Variants in EPHA4 observed in about 807,000 individuals in gnomAD.
EPHA4 encodes EPH receptor A4.
A neutral mutation model predicts 108.3 loss-of-function variants in EPHA4; 19 were observed. The observed-to-expected ratio is 0.18, with a 90% CI of 0.12 to 0.26. EPHA4 has a LOEUF of 0.26. Among genes scored for constraint, EPHA4 ranks in the 10% least tolerant of loss-of-function variants. The probability of loss-of-function intolerance (pLI) is 1.00; values close to 1 mark genes in which losing one functional copy is unlikely to be tolerated. For missense variants in EPHA4, 917 were observed against 1,254.0 expected, an observed-to-expected ratio of 0.73 and a Z score of 4.06; for synonymous variants, 449 against 455.5, an observed-to-expected ratio of 0.99 and a Z score of 0.18.
chr2:221,551,195 C>T lies in EPHA4; in HGVS notation c.823+12536G>A, dbSNP rs574402200. ...AAACTATTTGCTCTCTAGAAAACTC[C>T]GGAGAATTAACTGAAAACTTATTAG... is the stretch of plus-strand genomic sequence containing the variant. On this transcript the variant is annotated intron_variant, in intron 3 of 17. Transcript: ENST00000281821. Among the ~76,000 whole-genome samples the T allele has an allele frequency of 5.9e-5, 9 of 151,952 alleles. No homozygotes were observed. In the East Asian group the frequency reaches 7.7e-4, roughly 13 times the overall value.
intron 5 of EPHA4, among the ~76,000 whole-genome samples, chr2:221,461,790 T>C (rs1240303031): frequency 2.0e-5 from 3 of 152,142 alleles, no homozygotes; most frequent in Non-Finnish European, 2.9e-5. Context: ...TAATGTCAAG[T>C]CAGAGGGCCC....
At chr2:221,441,241 A>G (rs1049370929) in intron 11 of EPHA4, among the ~76,000 whole-genome samples, 10 of 150,104 alleles carry the variant, frequency 6.7e-5, no homozygotes, top group Admixed American at 5.3e-4. Flanking sequence ...CTATTAAAAA[A>G]ATAGAGTCCA....
At chr2:221,462,660 T>C (rs1206569215) in intron 5 of EPHA4, among the ~76,000 whole-genome samples, 1 of 152,194 alleles carries the variant, frequency 6.6e-6, no homozygotes, top group Non-Finnish European at 1.5e-5. Context: ...GGTTTTACTA[T>C]TTAGGTTAAC....
chr2:221,493,281 T>C (rs1574608979), intron 4 of EPHA4, among the ~76,000 whole-genome samples: 2 of 152,150 alleles, frequency 1.3e-5, no homozygotes, highest in Admixed American at 1.3e-4. Flanking sequence ...TTTTATCCTA[T>C]GGTTTATACA....
intron 3 of EPHA4, among the ~76,000 whole-genome samples, chr2:221,527,317 A>C (rs1182304563): frequency 6.6e-6 from 1 of 152,200 alleles, no homozygotes; most frequent in African/African-American, 2.4e-5. Context: ...CCACGTGCAC[A>C]TATTCACCTG....
intron 2 of EPHA4, among the ~76,000 whole-genome samples, chr2:221,566,794 A>G (rs1248141533): frequency 4.1e-5 from 6 of 147,900 alleles, no homozygotes; most frequent in African/African-American, 1.5e-4. Flanking sequence ...GAAGGAGAAG[A>G]AGAAGAGGGA....
intron 3 of EPHA4, among the ~76,000 whole-genome samples, chr2:221,533,662 C>A (rs1218219204): frequency 6.9e-6 from 1 of 144,758 alleles, no homozygotes; most frequent in Non-Finnish European, 1.5e-5. Context: ...GGGGGCTGTG[C>A]CTCCTCCAGG....
intron 3 of EPHA4, chr2:221,502,527 C>G (rs1351488815): frequency 1.5e-5 from 7 of 471,318 alleles, no homozygotes; most frequent in Non-Finnish European, 1.8e-5. Flanking sequence ...GCAGATCTTA[C>G]TGAAATGAGT....
chr2:221,523,362 A>G (rs1380169416), intron 3 of EPHA4, among the ~76,000 whole-genome samples: 1 of 151,538 alleles, frequency 6.6e-6, no homozygotes, highest in African/African-American at 2.4e-5. Flanking sequence ...ATCTCGGCTC[A>G]CCACAACCTC....
intron 15 of EPHA4, among the ~76,000 whole-genome samples, chr2:221,429,647 G>C (rs1690013412): frequency 6.6e-6 from 1 of 152,098 alleles, no homozygotes; most frequent in Non-Finnish European, 1.5e-5. Flanking sequence ...TCTTCTAAAA[G>C]TACATTTCAC....
intron 1 of EPHA4, among the ~76,000 whole-genome samples, chr2:221,570,325 C>CA (rs1694791382): frequency 8.5e-6 from 1 of 117,814 alleles, no homozygotes; most frequent in Non-Finnish European, 1.9e-5. Flanking sequence ...TCCCCCCCCC[C>CA]CAAAAAAAGA....
At chr2:221,500,176 G>A (rs184260341) in intron 4 of EPHA4, among the ~76,000 whole-genome samples, 9 of 152,294 alleles carry the variant, frequency 5.9e-5, no homozygotes, top group African/African-American at 1.2e-4. Context: ...TTCTCCAGGT[G>A]AGGAAACAGA....
intron 5 of EPHA4, among the ~76,000 whole-genome samples, chr2:221,480,987 T>G (rs1559259539): frequency 6.6e-6 from 1 of 152,178 alleles, no homozygotes; most frequent in Non-Finnish European, 1.5e-5. Context: ...TGTTGGCAAT[T>G]TATAATCCTT....
At chr2:221,444,744 CTTTTTTTTTTTTTTTT>C (rs71266317) in intron 9 of EPHA4, among the ~76,000 whole-genome samples, 1 of 74,982 alleles carries the variant, frequency 1.3e-5, no homozygotes, top group Non-Finnish European at 2.4e-5. Context: ...TTTTTTCTAT[CTTTTTTTTTTTTTTTT>C]TTTTTTTTTT....
In EPHA4 at chr2:221,571,240, C is replaced by A. The variant is rs1694826903; in HGVS notation, c.91+918G>T. 6.9e-6 allele frequency among the ~76,000 whole-genome samples: 1 copy of A among 143,912 alleles called. No individual in the cohort carries two copies. Among genetic ancestry groups the A allele is most frequent in the African/African-American group, 2.7e-5 (1 of 37,246 alleles). The allele number at this position is 143,912 out of a possible 152,430, so 94.4% of individuals were successfully genotyped here. ...ACATGCACACACACGCAGACATGCA[C>A]ACACACACCACACATACACACACAC... On this transcript the variant is annotated intron_variant, in intron 1 of 17. Coordinates refer to ENST00000281821, the MANE Select transcript of EPHA4 (RefSeq NM_004438.5). This position sits in a 1 kb window ranked among gnomAD's most constrained non-coding sequence, Gnocchi z 6.3.
chr2:221,459,004 T>C (rs1247708198), intron 5 of EPHA4, among the ~76,000 whole-genome samples: 1 of 150,182 alleles, frequency 6.7e-6, no homozygotes, highest in Non-Finnish European at 1.5e-5. Context: ...GATAAATTAG[T>C]GCTGGGTCAT....
At position 221,572,170 on chromosome 2, in the gene EPHA4, G is replaced by A. The variant is rs1284439815; in HGVS notation, c.79C>T (p.Pro27Ser). 1.9e-6 allele frequency: 3 copies of A among 1,613,706 alleles called. No individual in the cohort carries two copies. The change falls in exon 1 of 18, where the codon CCC becomes TCC. Residue 27 changes from proline to serine, a missense_variant. This residue lies in a region of EPHA4 where 758 missense variants were observed against 1,076.7 expected (regional missense o/e 0.70). Transcript: ENST00000281821. ...GTCCCGCTCTTACCTTCATTCGCGGGGTATACCCTGGAACCTGTGACAGCG... is the reference window on the plus strand; with the variant it reads ...GTCCCGCTCTTACCTTCATTCGCGGAGTATACCCTGGAACCTGTGACAGCG... ...CDAVTGSRVY[P>S]ANEVTLLDSR...
At chr2:221,503,257 C>T (rs1227333330) in intron 3 of EPHA4, among the ~76,000 whole-genome samples, 1 of 152,180 alleles carries the variant, frequency 6.6e-6, no homozygotes, top group Non-Finnish European at 1.5e-5. Context: ...CTGACTGATT[C>T]TCATGCACCC....
chr2:221,565,416 A>G (rs1230087457), intron 2 of EPHA4, among the ~76,000 whole-genome samples: 70 of 152,224 alleles, frequency 4.6e-4, no homozygotes, highest in Non-Finnish European at 1.8e-4. Flanking sequence ...TAACATCTAC[A>G]GTAATGCATT....
Sources: gnomAD v4.1 joint callset for allele counts (sites outside exome capture counted in the v4.1 genomes callset) on GRCh38, gnomAD v4.1.1 for gene constraint, gnomAD v4.1.1 regional missense constraint, Gnocchi (gnomAD v3.1) non-coding constraint, MANE v1.5 for transcripts, NCBI Gene and HGNC (gene_info 2026-07-23, HGNC 2026-07-21) for gene names.